The following TIMD4 variants were observed in gnomAD, a reference collection of about 807,000 sequenced individuals.
The protein encoded by TIMD4 is T-cell immunoglobulin and mucin domain-containing protein 4.
TIMD4 carries 31 observed loss-of-function variants against 41.2 expected under a neutral mutation model. The observed-to-expected ratio is 0.75, with a 90% CI of 0.57 to 1.01. The LOEUF is 1.01. Among genes scored for constraint, TIMD4 ranks in the 50% least tolerant of loss-of-function variants. TIMD4 has a pLI of 0.00. For synonymous variants in TIMD4, 204 were observed against 177.1 expected, an observed-to-expected ratio of 1.15 and a Z score of -1.21; for missense variants, 479 against 472.5, an observed-to-expected ratio of 1.01 and a Z score of -0.13.
chr5:156,925,328 G>A (rs1043211705), intron 6 of TIMD4, among the ~76,000 whole-genome samples: 22 of 152,042 alleles, frequency 1.4e-4, no homozygotes, highest in Non-Finnish European at 2.8e-4. Context: ...GAGAACTGCT[G>A]CTCTGCAGGC....
At position 156,921,616 on chromosome 5, in the gene TIMD4, C is replaced by CAAAAA. The variant is rs66842169; in HGVS notation, c.1012+478_1012+482dup. Among the ~76,000 whole-genome samples the CAAAAA allele has an allele frequency of 1.4e-3, 67 of 47,256 alleles. 1 individual carries two copies. The highest frequency in any genetic ancestry group is 2.0e-3 in the Non-Finnish European group (49 of 24,914). 31.0% of individuals were successfully genotyped at this position (47,256 alleles called of 152,430 possible). A position where few individuals can be genotyped will look rare whatever the true frequency, so the allele number is the denominator to read the frequency against. On this transcript the variant is annotated intron_variant, in intron 7 of 8. Coordinates refer to ENST00000274532, the MANE Select transcript of TIMD4 (RefSeq NM_138379.3). ...CCTGGACAACAGAATGAGACTCTCT[C>CAAAAA]AAAAAAAAAAAAAAAAAAAAAAAAA...
chr5:156,934,032 T>C (rs2113356368), intron 5 of TIMD4, among the ~76,000 whole-genome samples: 1 of 152,352 alleles, frequency 6.6e-6, no homozygotes, highest in African/African-American at 2.4e-5. Flanking sequence ...AGAACCTGCT[T>C]TGTCACTTAA....
chr5:156,933,254 T>C (rs1293579305), intron 5 of TIMD4, among the ~76,000 whole-genome samples: 2 of 151,922 alleles, frequency 1.3e-5, no homozygotes, highest in Non-Finnish European at 2.9e-5. Context: ...TGGTGACTCA[T>C]GCCTGTAATT....
At chr5:156,951,428 A>T in intron 3 of TIMD4, 84 bp downstream of exon 3, 6 of 1,532,998 alleles carry the variant, frequency 3.9e-6, no homozygotes, top group Non-Finnish European at 5.3e-6. Flanking sequence ...ACACTCACAC[A>T]CACACTGAGA....
At position 156,919,311 on chromosome 5, in the gene TIMD4, C is replaced by A; in HGVS notation, c.*146G>T. ...GAGAAGTTGTGGTCTCTAAAGTACC[C>A]TTCATTCATGAAACTAAAGCAAGCC... On this transcript the variant is annotated 3_prime_UTR_variant, in exon 9 of 9. Coordinates refer to ENST00000274532, the MANE Select transcript of TIMD4 (RefSeq NM_138379.3). The A allele has an allele frequency of 1.5e-6, 1 of 682,426 alleles. No individual in the cohort carries two copies. Among genetic ancestry groups the A allele is most frequent in the Non-Finnish European group, 2.5e-6 (1 of 392,558 alleles). 42.3% of individuals were successfully genotyped at this position (682,426 alleles called of 1,614,324 possible).
intron 5 of TIMD4, among the ~76,000 whole-genome samples, chr5:156,939,021 T>C (rs530314595): frequency 2.0e-5 from 3 of 152,080 alleles, no homozygotes; most frequent in Admixed American, 1.3e-4. Flanking sequence ...CACCACAAGC[T>C]CCCCCAGTGT....
At position 156,920,454 on chromosome 5, in the gene TIMD4, G is replaced by C; in HGVS notation, c.1052+10C>G. On this transcript the variant is annotated intron_variant, in intron 8 of 8. Transcript: ENST00000274532. ...ATCATTACAACACCCATTCATGCAA[G>C]ATAGATTACCTTGTGTGTTTCTGCG... The C allele has an allele frequency of 6.2e-7, 1 of 1,613,924 alleles. No homozygotes were observed. The highest frequency in any genetic ancestry group is 2.2e-5 in the East Asian group (1 of 44,888).
rs750922432 is a variant in TIMD4 at position 156,922,151 on chromosome 5, G to A, written c.960C>T (p.Ala320=). The A allele has an allele frequency of 6.2e-7, 1 of 1,613,866 alleles. No homozygotes were observed. Among genetic ancestry groups the A allele is most frequent in the East Asian group, 2.2e-5 (1 of 44,890 alleles). The part of the protein sequence containing the change: ...MPISQLLMII[A]PSLGFVLFAL... Reference sequence around the variant, plus strand: ...CGAAGAGCACAAATCCCAAGGAGGGGGCGATGATCATCAGTAGTTGGGAGA... The same window carrying A: ...CGAAGAGCACAAATCCCAAGGAGGGAGCGATGATCATCAGTAGTTGGGAGA... The change falls in exon 7 of 9, where the codon GCC becomes GCT. Residue 320 remains alanine, a synonymous_variant. Coordinates refer to ENST00000274532, the MANE Select transcript of TIMD4 (RefSeq NM_138379.3).
intron 6 of TIMD4, 77 bp downstream of exon 6, chr5:156,926,186 G>A (rs1274336019): frequency 1.4e-5 from 21 of 1,491,356 alleles, no homozygotes; most frequent in Non-Finnish European, 1.9e-5. Flanking sequence ...TTATAGGCAT[G>A]AGCCACCGTG....
Position 156,939,983 on chromosome 5 carries a change from C to G in TIMD4, c.844+8433G>C, listed in dbSNP as rs574888797. On this transcript the variant is annotated intron_variant, in intron 5 of 8. Coordinates refer to ENST00000274532, the MANE Select transcript of TIMD4 (RefSeq NM_138379.3). ...CTGCCTCTCCGTCGTCTCCGTCTCC[C>G]GCTTTCCACGGTCTCCCTCTGTTGC... Among the ~76,000 whole-genome samples, 9 of 152,360 alleles carry G rather than the reference C, an allele frequency of 5.9e-5. No individual in the cohort carries two copies. In the East Asian group the frequency reaches 1.7e-3, roughly 29 times the overall value.
intron 3 of TIMD4, among the ~76,000 whole-genome samples, chr5:156,951,201 T>C (rs1759845693): frequency 6.6e-6 from 1 of 152,110 alleles, no homozygotes; most frequent in Non-Finnish European, 1.5e-5. Context: ...CTGGTATTCT[T>C]ACAAGAGATT....
intron 5 of TIMD4, among the ~76,000 whole-genome samples, chr5:156,942,451 A>G (rs2113370116): frequency 6.6e-6 from 1 of 152,282 alleles, no homozygotes; most frequent in Non-Finnish European, 1.5e-5. Flanking sequence ...TTCTACAGAC[A>G]AGACTTCCCC....
chr5:156,920,712 G>A (rs1759221862), intron 7 of TIMD4, among the ~76,000 whole-genome samples: 1 of 152,192 alleles, frequency 6.6e-6, no homozygotes, highest in African/African-American at 2.4e-5. Flanking sequence ...TTACCAAGTT[G>A]TTCCAACATT....
intron 5 of TIMD4, among the ~76,000 whole-genome samples, chr5:156,947,213 TAGAA>T (rs139817020): frequency 0.016 from 2,335 of 150,552 alleles, 76 homozygotes; most frequent in African/African-American, 0.055. Context: ...AAAAATAAAA[TAGAA>T]AGAAAGAAAA....
chr5:156,961,820 A>AG (rs1753060779), intron 1 of TIMD4, among the ~76,000 whole-genome samples: 1 of 143,894 alleles, frequency 6.9e-6, no homozygotes, highest in African/African-American at 2.7e-5. Context: ...AAAAAAAAAA[A>AG]AAAAAAAAAA....
rs745912928 is a variant in TIMD4 at position 156,954,743 on chromosome 5, T to TG, written c.71dup (p.Glu25ArgfsTer48). The TG allele has an allele frequency of 6.2e-7, 1 of 1,609,388 alleles. No individual in the cohort carries two copies. Among genetic ancestry groups the TG allele is most frequent in the South Asian group, 1.1e-5 (1 of 90,532 alleles). ...CCAAAACCTCCGTCACAACAGTCTC[T>TG]GAAGTGACTGGTGCTGCAAGGAAAA... On this transcript the variant is annotated frameshift_variant, in exon 2 of 9. Transcript: ENST00000274532. LOFTEE classifies it high-confidence loss of function.
chr5:156,949,554 G>C, intron 4 of TIMD4, 97 bp downstream of exon 4: 1 of 1,050,866 alleles, frequency 9.5e-7, no homozygotes, highest in Non-Finnish European at 1.5e-6. Context: ...AAGACCCAAA[G>C]AGGTTGTCAG....
At chr5:156,924,335 A>G (rs972161392) in intron 6 of TIMD4, 20 of 352,398 alleles carry the variant, frequency 5.7e-5, no homozygotes, top group Non-Finnish European at 9.1e-5. Context: ...ATCAAGAGCT[A>G]TATAAAAGTT....
chr5:156,959,446 T>C (rs141800388), intron 1 of TIMD4, among the ~76,000 whole-genome samples: 7 of 152,162 alleles, frequency 4.6e-5, no homozygotes, highest in African/African-American at 1.7e-4. Flanking sequence ...CATTAGAATT[T>C]AGAAATAAGA....
Sources: gnomAD v4.1 joint callset for allele counts (sites outside exome capture counted in the v4.1 genomes callset) on GRCh38, gnomAD v4.1.1 for gene constraint, MANE v1.5 for transcripts, NCBI Gene and HGNC (gene_info 2026-07-23, HGNC 2026-07-21) for gene names.